The following PNLDC1 variants were observed in gnomAD, a reference collection of about 807,000 sequenced individuals.
The protein encoded by PNLDC1 is poly(A)-specific ribonuclease PNLDC1.
In PNLDC1, 70 loss-of-function variants were observed where a neutral mutation model predicts 82.0. That is an observed-to-expected ratio of 0.85 (90% CI 0.70 to 1.04). PNLDC1 has a LOEUF of 1.04. PNLDC1 is among the 50% of genes least tolerant of loss of function. The probability of loss-of-function intolerance (pLI) is 0.00; values close to 1 mark genes in which losing one functional copy is unlikely to be tolerated. For missense variants in PNLDC1, 631 were observed against 661.1 expected, an observed-to-expected ratio of 0.95 and a Z score of 0.50; for synonymous variants, 280 against 249.3, an observed-to-expected ratio of 1.12 and a Z score of -1.16.
In PNLDC1 at chr6:159,802,872, C is replaced by T. The variant is rs182412876; in HGVS notation, c.209-399C>T. 3.2e-3 allele frequency among the ~76,000 whole-genome samples: 490 copies of T among 152,096 alleles called. 1 individual carries two copies. The highest frequency in any genetic ancestry group is 5.4e-3 in the Admixed American group (83 of 15,274). ...TGTTGGGATTACAGGCATAAGCCAC[C>T]GCACCTGGCCTGAAGTCTTTTTTTT... On this transcript the variant is annotated intron_variant, in intron 3 of 18. Transcript: ENST00000392167.
intron 6 of PNLDC1, chr6:159,805,671 A>G (rs575517485): frequency 7.4e-6 from 2 of 269,390 alleles, no homozygotes; most frequent in East Asian, 7.1e-5. Context: ...AAGCTGAATA[A>G]AGAAGACGGT....
Position 159,805,678 on chromosome 6 carries a change from C to T in PNLDC1, c.462-305C>T, listed in dbSNP as rs184788718. ...ACCCCTGAAAGCTGAATAAAGAAGA[C>T]GGTCCTGATAGCAATGCTTGGTATT... On this transcript the variant is annotated intron_variant, in intron 6 of 18. Coordinates refer to ENST00000392167, the MANE Select transcript of PNLDC1 (RefSeq NM_001271862.2). 5.0e-5 allele frequency: 14 copies of T among 281,716 alleles called. No homozygotes were observed. The East Asian group carries it at 6.1e-4, about 12-fold the overall frequency. The allele number at this position is 281,716 out of a possible 1,614,324, so 17.5% of individuals were successfully genotyped here. A position where few individuals can be genotyped will look rare whatever the true frequency, so the allele number is the denominator to read the frequency against.
At chr6:159,800,186 C>G (rs1043738356), upstream of PNLDC1, 1 of 897,546 alleles carries the variant, frequency 1.1e-6, no homozygotes, top group Non-Finnish European at 1.7e-6. Context: ...GCACGTGGGG[C>G]GGAGGCAGCT....
Position 159,803,883 on chromosome 6 carries a change from G to GAGCC in PNLDC1, c.249-81_249-78dup, listed in dbSNP as rs1277311623. ...TCAGATTCTTCTTGCCTAAAAGAAA[G>GAGCC]AGCCCACCCTGAAGCCAGCCCTGGG... On this transcript the variant is annotated intron_variant, in intron 4 of 18. Transcript: ENST00000392167. 1.7e-5 allele frequency: 25 copies of GAGCC among 1,455,974 alleles called. No homozygotes were observed. In the African/African-American group the frequency reaches 3.3e-4, roughly 19 times the overall value. The allele number at this position is 1,455,974 out of a possible 1,614,324, so 90.2% of individuals were successfully genotyped here.
In PNLDC1 at chr6:159,818,797, C is replaced by T. The variant is rs949543613; in HGVS notation, c.1257+143C>T. 9 of 1,205,206 alleles carry T rather than the reference C, an allele frequency of 7.5e-6. No homozygotes were observed. The African/African-American group carries it at 7.6e-5, about 10-fold the overall frequency. 74.7% of individuals were successfully genotyped at this position (1,205,206 alleles called of 1,614,324 possible). On this transcript the variant is annotated intron_variant, in intron 16 of 18. Coordinates refer to ENST00000392167, the MANE Select transcript of PNLDC1 (RefSeq NM_001271862.2). ...TGGGTTTTTCTTTCCTCTCATGTTT[C>T]TCCACTAAAGCCAACATGGACTCAT...
intron 12 of PNLDC1, among the ~76,000 whole-genome samples, chr6:159,814,610 C>T (rs1047046271): frequency 3.3e-5 from 5 of 152,148 alleles, no homozygotes; most frequent in Non-Finnish European, 7.4e-5. Flanking sequence ...TGGTACCAGG[C>T]ATGATACTGA....
At position 159,804,091 on chromosome 6, in the gene PNLDC1, A is replaced by G. The variant is rs1424254485; in HGVS notation, c.372+3A>G. 2.5e-6 allele frequency: 4 copies of G among 1,612,510 alleles called. No homozygotes were observed. Among genetic ancestry groups the G allele is most frequent in the Admixed American group, 3.4e-5 (2 of 59,564 alleles). ...AGTATGGCTTCAACTATAACAAGGT[A>G]TGGCATTGGAGGAGGGGAACGGGAA... is the stretch of plus-strand genomic sequence containing the variant. On this transcript the variant is annotated splice_donor_region_variant and intron_variant, in intron 5 of 18. Transcript: ENST00000392167.
chr6:159,806,888 C>CTT (rs34866272), intron 7 of PNLDC1, among the ~76,000 whole-genome samples: 15 of 107,718 alleles, frequency 1.4e-4, no homozygotes, highest in East Asian at 4.9e-4. Flanking sequence ...AATTAGCTGC[C>CTT]TTTTTTTTTT....
chr6:159,818,833 C>T, intron 16 of PNLDC1, 113 bp from the exon 17 acceptor site: 1 of 1,321,826 alleles, frequency 7.6e-7, no homozygotes, highest in Non-Finnish European at 1.0e-6. Context: ...CCTTCCTTCT[C>T]TTCCCCTCCC....
chr6:159,803,245 C>T, intron 3 of PNLDC1, 26 bp from the exon 4 acceptor site: 1 of 1,612,864 alleles, frequency 6.2e-7, no homozygotes, highest in Non-Finnish European at 8.5e-7. Context: ...CCTTGGCATT[C>T]ATTCCCTCTA....
chr6:159,813,754 C>G (rs755327926), intron 12 of PNLDC1, 98 bp downstream of exon 12: 478 of 1,052,352 alleles, frequency 4.5e-4, no homozygotes, highest in Non-Finnish European at 6.6e-4. Context: ...CCACCATTCA[C>G]AGTGATGCCT....
chr6:159,811,885 TTTTG>T (rs200769180), intron 11 of PNLDC1, 99 bp downstream of exon 11: 177 of 427,262 alleles, frequency 4.1e-4, no homozygotes, highest in African/African-American at 1.1e-3. Flanking sequence ...TTTTTGTTTT[TTTTG>T]TTTTGTTTTG....
At chr6:159,807,046 C>A (rs951387171) in intron 7 of PNLDC1, among the ~76,000 whole-genome samples, 1 of 152,110 alleles carries the variant, frequency 6.6e-6, no homozygotes. Flanking sequence ...GTGCCTGCCA[C>A]CATGCCCGGC....
Position 159,808,823 on chromosome 6 carries a change from T to C in PNLDC1, c.639+7T>C, listed in dbSNP as rs1781544570. The C allele has an allele frequency of 6.2e-7, 1 of 1,613,856 alleles. No individual in the cohort carries two copies. On this transcript the variant is annotated splice_region_variant and intron_variant, in intron 8 of 18. Transcript: ENST00000392167. ...GGTGCTGAAAGATGAGGGGGTGAGT[T>C]CTCACTGCGAACGGGGCATCAGTGG...
chr6:159,801,427 A>G (rs1277003023), intron 3 of PNLDC1, among the ~76,000 whole-genome samples: 2 of 152,150 alleles, frequency 1.3e-5, no homozygotes, highest in African/African-American at 4.8e-5. Flanking sequence ...TACTCTTTCA[A>G]GTAAAACTGT....
At chr6:159,801,293 G>A (rs181356640) in intron 3 of PNLDC1, 107 bp downstream of exon 3, 180 of 1,070,982 alleles carry the variant, frequency 1.7e-4, no homozygotes, top group Middle Eastern at 1.2e-3. Context: ...ATTGAGTATC[G>A]TTTTGTATGC....
rs1481631674 is a variant in PNLDC1 at position 159,819,363 on chromosome 6, G to T, written c.1532+11G>T. The T allele has an allele frequency of 6.2e-7, 1 of 1,611,692 alleles. No individual in the cohort carries two copies. Among genetic ancestry groups the T allele is most frequent in the African/African-American group, 1.3e-5 (1 of 74,768 alleles). ...CAACTGCCTGCTCCAGTAAGTGACA[G>T]GCTGAGGCCACCTGCCTGTCCTGGG... On this transcript the variant is annotated intron_variant, in intron 18 of 18. Coordinates refer to ENST00000392167, the MANE Select transcript of PNLDC1 (RefSeq NM_001271862.2). This position sits in a 1 kb window ranked among gnomAD's most constrained non-coding sequence, Gnocchi z 4.6.
chr6:159,800,515 C>A, intron 1 of PNLDC1, 132 bp downstream of exon 1: 2 of 1,307,884 alleles, frequency 1.5e-6, no homozygotes, highest in Non-Finnish European at 2.1e-6. Context: ...GGGGGGCTTC[C>A]TTCTCCAGCC....
Position 159,816,601 on chromosome 6 carries a change from G to C in PNLDC1, c.1114+5G>C. On this transcript the variant is annotated splice_donor_5th_base_variant and intron_variant, in intron 14 of 18. Coordinates refer to ENST00000392167, the MANE Select transcript of PNLDC1 (RefSeq NM_001271862.2). ...ATGCCTTCCTCTGTGGGTCAGGTAAGGATTGCGGTTCCTTTAAAAGGAAAC... is the reference window on the plus strand; with the variant it reads ...ATGCCTTCCTCTGTGGGTCAGGTAACGATTGCGGTTCCTTTAAAAGGAAAC... The C allele has an allele frequency of 1.9e-6, 3 of 1,611,356 alleles. No individual in the cohort carries two copies. Among genetic ancestry groups the C allele is most frequent in the Non-Finnish European group, 2.5e-6 (3 of 1,178,648 alleles).
Sources: gnomAD v4.1 joint callset for allele counts (sites outside exome capture counted in the v4.1 genomes callset) on GRCh38, gnomAD v4.1.1 for gene constraint, Gnocchi (gnomAD v3.1) non-coding constraint, MANE v1.5 for transcripts, NCBI Gene and HGNC (gene_info 2026-07-23, HGNC 2026-07-21) for gene names.